ATG4B: variants seen among roughly 807,000 people sequenced by gnomAD.
The protein encoded by ATG4B is cysteine protease ATG4B.
In ATG4B, 29 loss-of-function variants were observed where a neutral mutation model predicts 56.6. The ratio of observed to expected loss-of-function variants is 0.51; its 90% CI spans 0.38 to 0.70. The LOEUF (loss-of-function observed/expected upper bound fraction) is 0.70. ATG4B is among the 30% of genes least tolerant of loss of function. The probability of loss-of-function intolerance (pLI) is 0.00; values close to 1 mark genes in which losing one functional copy is unlikely to be tolerated. For synonymous variants in ATG4B, 224 were observed against 206.1 expected, an observed-to-expected ratio of 1.09 and a Z score of -0.74; for missense variants, 461 against 515.5, an observed-to-expected ratio of 0.89 and a Z score of 1.02.
intron 3 of ATG4B, 116 bp from the exon 4 acceptor site, chr2:241,653,396 T>C: frequency 6.4e-7 from 1 of 1,551,126 alleles, no homozygotes. Flanking sequence ...GTGGAGCTGA[T>C]GGAGGAGGGA....
Position 241,668,940 on chromosome 2 carries a change from C to T in ATG4B, c.957+255C>T, listed in dbSNP as rs1488018341. 2.3e-5 allele frequency: 12 copies of T among 529,396 alleles called. No individual in the cohort carries two copies. Among genetic ancestry groups the T allele is most frequent in the Admixed American group, 7.1e-5 (2 of 28,362 alleles). 32.8% of individuals were successfully genotyped at this position (529,396 alleles called of 1,614,324 possible). ...CAGAGAGCGTGTGTCTGGATGTGAGCGTGTGTGGGCGCGTGCTGAGTGTGC... is the reference window on the plus strand; with the variant it reads ...CAGAGAGCGTGTGTCTGGATGTGAGTGTGTGTGGGCGCGTGCTGAGTGTGC... On this transcript the variant is annotated intron_variant, in intron 10 of 12. Transcript: ENST00000404914. The surrounding 1 kb of genome is among the most constrained non-coding windows in gnomAD (Gnocchi z 4.2).
rs780558440 is a variant in ATG4B, at chr2:241,672,211, C to A, written c.1129C>A (p.Leu377Met). The part of the protein sequence containing the change: ...LSLDSSDVER[L>M]ERFFDSEDED... ...TCTAGATTCTTCTGATGTAGAGCGA[C>A]TGGAAAGATTCTTCGACTCAGAAGA... The change falls in exon 13 of 13, where the codon CTG becomes ATG. Residue 377 changes from leucine to methionine, a missense_variant. Coordinates refer to ENST00000404914, the MANE Select transcript of ATG4B (RefSeq NM_013325.5). 1 of 1,585,656 alleles carries A rather than the reference C, an allele frequency of 6.3e-7. No individual in the cohort carries two copies. Among genetic ancestry groups the A allele is most frequent in the East Asian group, 2.3e-5 (1 of 43,726 alleles).
rs1381069011 is a variant in ATG4B at position 241,668,062 on chromosome 2, C to T, written c.733-81C>T. On this transcript the variant is annotated intron_variant, in intron 8 of 12. Transcript: ENST00000404914. This position sits in a 1 kb window ranked among gnomAD's most constrained non-coding sequence, Gnocchi z 4.2. ...GTCACCCAGTTGGGCCTCAGCAGGC[C>T]CTTGGGCCCCCTATGGCAGTGGGTG... The T allele has an allele frequency of 2.1e-6, 3 of 1,434,150 alleles. No individual in the cohort carries two copies. The highest frequency in any genetic ancestry group is 2.9e-6 in the Non-Finnish European group (3 of 1,052,210). The allele number at this position is 1,434,150 out of a possible 1,614,324, so 88.8% of individuals were successfully genotyped here. A position where few individuals can be genotyped will look rare whatever the true frequency, so the allele number is the denominator to read the frequency against.
At chr2:241,640,631 T>C (rs1289014998) in intron 1 of ATG4B, among the ~76,000 whole-genome samples, 1 of 152,308 alleles carries the variant, frequency 6.6e-6, no homozygotes, top group Non-Finnish European at 1.5e-5. Context: ...GCGTGGCTCC[T>C]GGGGGATGGT....
At chr2:241,659,301 C>A in intron 7 of ATG4B, 114 bp downstream of exon 7, 1 of 915,544 alleles carries the variant, frequency 1.1e-6, no homozygotes, top group Non-Finnish European at 1.8e-6. Context: ...CGCCCCATGC[C>A]GTGCAGGTGC....
At chr2:241,638,437 T>A (rs1437878057) in intron 1 of ATG4B, 1 of 152,174 alleles carries the variant, frequency 6.6e-6, no homozygotes, top group Non-Finnish European at 1.5e-5. Flanking sequence ...GCTCCATTTT[T>A]GCTAGCAAGA....
chr2:241,642,568 C>CA (rs1419017380), intron 1 of ATG4B, among the ~76,000 whole-genome samples: 4 of 38,640 alleles, frequency 1.0e-4, no homozygotes, highest in African/African-American at 2.9e-4. Context: ...TAAATTTACT[C>CA]GTTTTTTTTT....
chr2:241,649,276 T>A (rs1575064632), intron 1 of ATG4B, among the ~76,000 whole-genome samples: 1 of 152,226 alleles, frequency 6.6e-6, no homozygotes, highest in East Asian at 1.9e-4. Flanking sequence ...AGGCATAGTA[T>A]GATTTCACGT....
intron 7 of ATG4B, among the ~76,000 whole-genome samples, chr2:241,660,078 T>A (rs944298570): frequency 2.6e-5 from 4 of 152,214 alleles, no homozygotes; most frequent in African/African-American, 9.6e-5. Context: ...TAGTCCCAGC[T>A]ACTCGGGAGG....
chr2:241,655,238 T>A (rs1356775389), intron 5 of ATG4B, 33 bp from the exon 6 acceptor site: 1 of 1,586,860 alleles, frequency 6.3e-7, no homozygotes, highest in East Asian at 2.3e-5. Context: ...TGGGGGCGGG[T>A]GTGTGTTGCT....
chr2:241,653,189 T>C, intron 3 of ATG4B: 1 of 686,368 alleles, frequency 1.5e-6, no homozygotes, highest in South Asian at 1.5e-5. Context: ...GGAAAATGCG[T>C]TGTTTTGTTT....
At chr2:241,660,358 T>C (rs1469769886) in intron 7 of ATG4B, among the ~76,000 whole-genome samples, 1 of 152,170 alleles carries the variant, frequency 6.6e-6, no homozygotes, top group Middle Eastern at 3.2e-3. Context: ...TTCTTCATCG[T>C]CTGGCCATCC....
At chr2:241,671,845 GTCC>G (rs927538136) in intron 12 of ATG4B, 5 of 1,283,630 alleles carry the variant, frequency 3.9e-6, no homozygotes, top group East Asian at 3.7e-5. Context: ...CCGTGAGCGC[GTCC>G]TCCTCATCTC....
At chr2:241,659,372 C>G (rs1449785031) in intron 7 of ATG4B, 185 bp downstream of exon 7, 1 of 676,734 alleles carries the variant, frequency 1.5e-6, no homozygotes, top group Non-Finnish European at 2.8e-6. Context: ...TCCCGGCGGT[C>G]ATACCAAGAG....
chr2:241,646,172 T>A (rs926003175), intron 1 of ATG4B, among the ~76,000 whole-genome samples: 2 of 152,226 alleles, frequency 1.3e-5, no homozygotes, highest in Non-Finnish European at 2.9e-5. Flanking sequence ...CTATAAAGTT[T>A]GGTGATAAAC....
chr2:241,667,811 C>A lies in ATG4B; in HGVS notation c.733-332C>A, dbSNP rs544371556. ...CCCCACACATAGGCCCCGTCTCCAT[C>A]GCTTCTGCCCTGTCAGGTCAAAGCA... On this transcript the variant is annotated intron_variant, in intron 8 of 12. Coordinates refer to ENST00000404914, the MANE Select transcript of ATG4B (RefSeq NM_013325.5). The A allele has an allele frequency of 9.1e-5, 25 of 273,446 alleles. No homozygotes were observed. The Admixed American group carries it at 9.6e-4, about 11-fold the overall frequency. 16.9% of individuals were successfully genotyped at this position (273,446 alleles called of 1,614,324 possible). A position where few individuals can be genotyped will look rare whatever the true frequency, so the allele number is the denominator to read the frequency against.
intron 5 of ATG4B, 161 bp downstream of exon 5, chr2:241,654,808 A>G (rs1354483996): frequency 1.6e-6 from 1 of 628,876 alleles, no homozygotes; most frequent in South Asian, 2.0e-5. Flanking sequence ...CTGTCACATC[A>G]CCCCCGTGTC....
At chr2:241,663,644 G>C (rs947938069) in intron 7 of ATG4B, among the ~76,000 whole-genome samples, 1 of 152,056 alleles carries the variant, frequency 6.6e-6, no homozygotes, top group African/African-American at 2.4e-5. Flanking sequence ...AGAAACCAAA[G>C]AATAATATTA....
Position 241,673,761 on chromosome 2 carries a change from T to C in ATG4B, c.*1497T>C, listed in dbSNP as rs1315000752. On this transcript the variant is annotated 3_prime_UTR_variant, in exon 13 of 13. Transcript: ENST00000404914. Reference sequence around the variant, plus strand: ...GACCAAAGGGGAGCTTTGTCTCGTGTGTTTTGAAAAAGGCTTAATGAAGAG... The same window carrying C: ...GACCAAAGGGGAGCTTTGTCTCGTGCGTTTTGAAAAAGGCTTAATGAAGAG... 2 of 454,758 alleles carry C rather than the reference T, an allele frequency of 4.4e-6. No homozygotes were observed. The highest frequency in any genetic ancestry group is 4.0e-5 in the African/African-American group (2 of 50,010). The allele number at this position is 454,758 out of a possible 1,614,324, so 28.2% of individuals were successfully genotyped here. A position where few individuals can be genotyped will look rare whatever the true frequency, so the allele number is the denominator to read the frequency against.
Sources: gnomAD v4.1 joint callset for allele counts (sites outside exome capture counted in the v4.1 genomes callset) on GRCh38, gnomAD v4.1.1 for gene constraint, Gnocchi (gnomAD v3.1) non-coding constraint, MANE v1.5 for transcripts, NCBI Gene and HGNC (gene_info 2026-07-23, HGNC 2026-07-21) for gene names.